Variants in ZBTB2 observed in about 807,000 individuals in gnomAD.
The protein encoded by ZBTB2 is zinc finger and BTB domain-containing protein 2.
Under a neutral mutation model 39.5 loss-of-function variants are expected in ZBTB2, and 2 were observed. The ratio of observed to expected loss-of-function variants is 0.05; its 90% CI spans 0.02 to 0.16. The LOEUF (loss-of-function observed/expected upper bound fraction) is 0.16. Ranked by LOEUF, ZBTB2 falls within the 10% of genes least tolerant of loss-of-function variation. The probability of loss-of-function intolerance (pLI) is 1.00; values close to 1 mark genes in which losing one functional copy is unlikely to be tolerated. For synonymous variants in ZBTB2, 251 were observed against 256.6 expected (o/e 0.98, Z 0.21); for missense variants, 391 against 653.0 (o/e 0.60, Z 4.37).
In ZBTB2 at chr6:151,386,442, G is replaced by A. The variant is rs1779154443; in HGVS notation, c.-13+4978C>T. On this transcript the variant is annotated intron_variant, in intron 1 of 2. Transcript: ENST00000325144. ...CCCAGCTACCAGAAGGCTGAGGTGG[G>A]AGGATTGCTTGAGCCAGGGAGGCTG... Among the ~76,000 whole-genome samples the A allele has an allele frequency of 2.0e-5, 3 of 152,318 alleles. No individual in the cohort carries two copies. In the South Asian group the frequency reaches 6.2e-4, roughly 32 times the overall value.
At chr6:151,387,078 A>T (rs1779173711) in intron 1 of ZBTB2, among the ~76,000 whole-genome samples, 1 of 152,216 alleles carries the variant, frequency 6.6e-6, no homozygotes, top group African/African-American at 2.4e-5. Context: ...CCACCTATGT[A>T]GTTGGAAAAA....
chr6:151,382,623 G>A (rs1390826844), intron 1 of ZBTB2, among the ~76,000 whole-genome samples: 1 of 150,802 alleles, frequency 6.6e-6, no homozygotes, highest in African/African-American at 2.4e-5. Context: ...CGCAATCTTG[G>A]CTCACTGCAT....
At chr6:151,373,181 A>G (rs1408343233) in intron 2 of ZBTB2, among the ~76,000 whole-genome samples, 7 of 149,442 alleles carry the variant, frequency 4.7e-5, no homozygotes, top group Non-Finnish European at 8.9e-5. Context: ...AAAAAAAAAA[A>G]AAAAAAAAAA....
chr6:151,380,328 A>G (rs1445652460), intron 1 of ZBTB2, among the ~76,000 whole-genome samples: 2 of 152,214 alleles, frequency 1.3e-5, no homozygotes, highest in Non-Finnish European at 2.9e-5. Flanking sequence ...AAATGGGGCA[A>G]AAGGGTGGAG....
chr6:151,364,682 T>A lies in ZBTB2; in HGVS notation c.*839A>T, dbSNP rs958467634. Reference sequence around the variant, plus strand: ...CACTGGCAGCTGCTAGAAAATGGCATGTCATGTTCTATTCAGAAAGGCAAT... The same window carrying A: ...CACTGGCAGCTGCTAGAAAATGGCAAGTCATGTTCTATTCAGAAAGGCAAT... On this transcript the variant is annotated 3_prime_UTR_variant, in exon 3 of 3. Transcript: ENST00000325144. 7 of 152,232 alleles carry A rather than the reference T, an allele frequency of 4.6e-5. No individual in the cohort carries two copies. The highest frequency in any genetic ancestry group is 7.2e-5 in the African/African-American group (3 of 41,464). The allele number at this position is 152,232 out of a possible 1,614,324, so 9.4% of individuals were successfully genotyped here.
chr6:151,384,912 T>G (rs1779120640), intron 1 of ZBTB2, among the ~76,000 whole-genome samples: 1 of 152,182 alleles, frequency 6.6e-6, no homozygotes, highest in Admixed American at 6.5e-5. Context: ...TTGTCTCCAC[T>G]CTACTACCTT....
In ZBTB2 at chr6:151,366,235, T is replaced by C. The variant is rs755739979; in HGVS notation, c.831A>G (p.Thr277=). Residue 277 remains threonine, a synonymous_variant, in exon 3 of 3, where the codon ACA becomes ACG. Coordinates refer to ENST00000325144, the MANE Select transcript of ZBTB2 (RefSeq NM_020861.3). This position sits in a 1 kb window ranked among gnomAD's most constrained non-coding sequence, Gnocchi z 7.1. ...GTTGGCTAGATGTGAAAGGTACTCCTGTGTGGATCTGGAGGTGTTCACGTA... is the reference window on the plus strand; with the variant it reads ...GTTGGCTAGATGTGAAAGGTACTCCCGTGTGGATCTGGAGGTGTTCACGTA... ...SSLREHLQIH[T]GVPFTSSQQG... 5.0e-6 allele frequency: 8 copies of C among 1,614,018 alleles called. No individual in the cohort carries two copies. The highest frequency in any genetic ancestry group is 2.5e-6 in the Non-Finnish European group (3 of 1,180,038).
intron 1 of ZBTB2, among the ~76,000 whole-genome samples, chr6:151,383,307 C>T (rs769214871): frequency 3.0e-4 from 45 of 152,240 alleles, no homozygotes; most frequent in African/African-American, 1.1e-3. Flanking sequence ...GCCTCAGCCT[C>T]CTGAGTAGCT....
chr6:151,373,870 A>AAAAAAAAAAC (rs1778843577), intron 1 of ZBTB2, among the ~76,000 whole-genome samples: 11 of 123,582 alleles, frequency 8.9e-5, no homozygotes, highest in African/African-American at 2.5e-4. Flanking sequence ...AAAAAAAAAA[A>AAAAAAAAAAC]AAAAAAACCA....
At chr6:151,387,917 C>T (rs1019474928) in intron 1 of ZBTB2, among the ~76,000 whole-genome samples, 5 of 152,094 alleles carry the variant, frequency 3.3e-5, no homozygotes, top group South Asian at 4.1e-4. Context: ...GCTCTATCGG[C>T]ATTGTAAAAA....
At chr6:151,380,682 C>G (rs963849398) in intron 1 of ZBTB2, among the ~76,000 whole-genome samples, 4 of 152,186 alleles carry the variant, frequency 2.6e-5, no homozygotes, top group Non-Finnish European at 1.5e-5. Context: ...TCTGATAAAT[C>G]TTTGGTCTCT....
At chr6:151,367,624 G>A (rs923647667) in intron 2 of ZBTB2, among the ~76,000 whole-genome samples, 17 of 152,112 alleles carry the variant, frequency 1.1e-4, no homozygotes, top group Non-Finnish European at 2.5e-4. Context: ...GTAAGAGGTG[G>A]AGCTGGTATT....
chr6:151,380,214 A>C (rs1779002072), intron 1 of ZBTB2, among the ~76,000 whole-genome samples: 2 of 152,346 alleles, frequency 1.3e-5, no homozygotes, highest in South Asian at 4.1e-4. Context: ...AAATTCACAC[A>C]GATCAACTTG....
rs139181592 is a variant in ZBTB2 at position 151,371,341 on chromosome 6, T to A, written c.173+2124A>T. Among the ~76,000 whole-genome samples, 223 of 152,120 alleles carry A rather than the reference T, an allele frequency of 1.5e-3. 2 individuals carry two copies. The highest frequency in any genetic ancestry group is 5.2e-3 in the African/African-American group (214 of 41,476). On this transcript the variant is annotated intron_variant, in intron 2 of 2. Coordinates refer to ENST00000325144, the MANE Select transcript of ZBTB2 (RefSeq NM_020861.3). ...GGGGGTAGGTACACACATAACAACA[T>A]AGGGGAAAGGTGCACATTTGCACTC...
chr6:151,364,211 A>C lies in ZBTB2; in HGVS notation c.*1310T>G, dbSNP rs1441185993. On this transcript the variant is annotated 3_prime_UTR_variant, in exon 3 of 3. Coordinates refer to ENST00000325144, the MANE Select transcript of ZBTB2 (RefSeq NM_020861.3). ...CATGAAATAGGATGATGGGATATTCAGTTTTTAACATATACATATACTATA... is the reference window on the plus strand; with the variant it reads ...CATGAAATAGGATGATGGGATATTCCGTTTTTAACATATACATATACTATA... 1.3e-5 allele frequency: 2 copies of C among 152,580 alleles called. No individual in the cohort carries two copies. Among genetic ancestry groups the C allele is most frequent in the Admixed American group, 6.5e-5 (1 of 15,268 alleles). 9.5% of individuals were successfully genotyped at this position (152,580 alleles called of 1,614,324 possible). A position where few individuals can be genotyped will look rare whatever the true frequency, so the allele number is the denominator to read the frequency against.
chr6:151,367,699 C>G (rs1019467708), intron 2 of ZBTB2, among the ~76,000 whole-genome samples: 2 of 152,140 alleles, frequency 1.3e-5, no homozygotes, highest in African/African-American at 2.4e-5. Flanking sequence ...CAAAACAATC[C>G]TGTATGGTAG....
intron 2 of ZBTB2, among the ~76,000 whole-genome samples, chr6:151,370,587 T>C (rs372770412): frequency 1.1e-4 from 16 of 152,198 alleles, no homozygotes; most frequent in Admixed American, 4.6e-4. Context: ...TAGCTGAAAG[T>C]CTGTAGTTGT....
intron 1 of ZBTB2, among the ~76,000 whole-genome samples, chr6:151,389,485 C>A (rs969902673): frequency 1.3e-5 from 2 of 152,188 alleles, no homozygotes; most frequent in African/African-American, 4.8e-5. Context: ...ACAACTCGCC[C>A]TGGTGCTCCA....
chr6:151,383,780 C>A (rs1314396346), intron 1 of ZBTB2, among the ~76,000 whole-genome samples: 1 of 152,136 alleles, frequency 6.6e-6, no homozygotes, highest in Admixed American at 6.5e-5. Flanking sequence ...CACACACACA[C>A]ATACCCCTGC....
Sources: allele counts gnomAD v4.1 joint callset (sites outside exome capture counted in the v4.1 genomes callset), GRCh38; gene constraint gnomAD v4.1.1; non-coding constraint Gnocchi (gnomAD v3.1); transcripts MANE v1.5; gene names NCBI Gene and HGNC (gene_info 2026-07-23, HGNC 2026-07-21).